Variants in SI observed in about 807,000 individuals in gnomAD.
SI encodes sucrase-isomaltase, intestinal.
A neutral mutation model predicts 253.3 loss-of-function variants in SI; 235 were observed. The ratio of observed to expected loss-of-function variants is 0.93; its 90% CI spans 0.83 to 1.03. SI has a LOEUF of 1.03. Among genes scored for constraint, SI ranks in the 50% least tolerant of loss-of-function variants. The pLI is 0.00. For synonymous variants in SI, 819 were observed against 712.0 expected (o/e 1.15, Z -2.39); for missense variants, 2,442 against 2,211.1 (o/e 1.10, Z -2.09).
chr3:165,032,770 C>T (rs767885926), intron 23 of SI, 78 bp from the exon 24 acceptor site: 289 of 938,436 alleles, frequency 3.1e-4, no homozygotes, highest in Admixed American at 9.4e-4. Flanking sequence ...TAAGAAATAG[C>T]AAAAAAAGGT....
intron 45 of SI, among the ~76,000 whole-genome samples, chr3:164,986,406 C>T (rs1171766941): frequency 6.6e-6 from 1 of 152,142 alleles, no homozygotes; most frequent in Admixed American, 6.5e-5. Context: ...AACCTCCTTC[C>T]AGAGGGGTCT....
chr3:165,069,114 C>G lies in SI; in HGVS notation c.337G>C (p.Gly113Arg), dbSNP rs766039029. The G allele has an allele frequency of 6.2e-7, 1 of 1,612,668 alleles. No homozygotes were observed. Residue 113 changes from glycine (G) to arginine (R), a missense_variant, in exon 4 of 48, where the codon GGT becomes CGT. Transcript: ENST00000264382. Reference protein sequence around the residue: ...IPWCFFVDNHGYNVQDMTTTS... With the variant: ...IPWCFFVDNHRYNVQDMTTTS... ...GTTGTCATGTCTTGAACGTTATAAC[C>G]ATGATTATCAACGAAGAAGCACCAA...
upstream of SI, among the ~76,000 whole-genome samples, chr3:165,083,218 C>T (rs1415911868): frequency 1.3e-5 from 2 of 151,882 alleles, no homozygotes; most frequent in Admixed American, 1.3e-4. Context: ...GGGTATGTGG[C>T]TGTCCAGACT....
intron 45 of SI, among the ~76,000 whole-genome samples, chr3:164,985,798 T>A (rs1717406718): frequency 6.6e-6 from 1 of 152,068 alleles, no homozygotes; most frequent in African/African-American, 2.4e-5. Flanking sequence ...ACATACAGAA[T>A]AAAAATCTCC....
intron 44 of SI, among the ~76,000 whole-genome samples, chr3:164,988,082 C>T (rs1009303460): frequency 6.6e-6 from 1 of 152,180 alleles, no homozygotes; most frequent in African/African-American, 2.4e-5. Context: ...TAAATACTTG[C>T]TTCCATGTTA....
At chr3:165,072,997 A>G (rs1374676086) in intron 3 of SI, among the ~76,000 whole-genome samples, 5 of 152,160 alleles carry the variant, frequency 3.3e-5, no homozygotes. Flanking sequence ...CTTCACAAAT[A>G]TAGTTTATTT....
At chr3:165,069,361 A>G (rs1328962824) in intron 3 of SI, among the ~76,000 whole-genome samples, 166 bp from the exon 4 acceptor site, 1 of 152,136 alleles carries the variant, frequency 6.6e-6, no homozygotes, top group Non-Finnish European at 1.5e-5. Flanking sequence ...AAGAAATACA[A>G]GTATTTAATA....
chr3:165,080,634 C>T (rs187633798), upstream of SI, among the ~76,000 whole-genome samples: 8 of 152,132 alleles, frequency 5.3e-5, no homozygotes, highest in Admixed American at 3.3e-4. Flanking sequence ...CCATCATTCT[C>T]AGCCAACTAT....
chr3:165,089,087 C>CTT, the SI span, among the ~76,000 whole-genome samples: 1 of 46,394 alleles, frequency 2.2e-5, no homozygotes, highest in Non-Finnish European at 4.6e-5. Flanking sequence ...TTTCTTTTTT[C>CTT]TTTTTTTTTT....
intron 36 of SI, 39 bp from the exon 37 acceptor site, chr3:165,006,993 A>C (rs1718544019): frequency 7.1e-7 from 1 of 1,409,472 alleles, no homozygotes; most frequent in Non-Finnish European, 9.9e-7. Flanking sequence ...TATATTATAC[A>C]GTGCCCTACA....
In SI at chr3:165,069,063, C is replaced by A; in HGVS notation, c.373+15G>T. ...AATATATCATATTGAATCATTATAACAGAGGACTTCTTACCAATACTTGTT... is the reference window on the plus strand; with the variant it reads ...AATATATCATATTGAATCATTATAAAAGAGGACTTCTTACCAATACTTGTT... On this transcript the variant is annotated intron_variant, in intron 4 of 47. Coordinates refer to ENST00000264382, the MANE Select transcript of SI (RefSeq NM_001041.4). The A allele has an allele frequency of 1.3e-6, 2 of 1,512,800 alleles. No individual in the cohort carries two copies. Among genetic ancestry groups the A allele is most frequent in the Non-Finnish European group, 1.8e-6 (2 of 1,087,834 alleles). 93.7% of individuals were successfully genotyped at this position (1,512,800 alleles called of 1,614,324 possible).
At position 165,060,001 on chromosome 3, in the gene SI, T is replaced by C. The variant is rs1316324887; in HGVS notation, c.1047A>G (p.Ala349=). The part of the protein sequence containing the change: ...QQLVGLPAMP[A]YWNLGFQLSR... ...TTAGTTGGAATCCAAGATTCCAATA[T>C]GCTGGCATTGCTGGTAGTCCAACAA... Residue 349 remains alanine (A), a synonymous_variant, in exon 10 of 48, where the codon GCA becomes GCG. Transcript: ENST00000264382. 3.1e-6 allele frequency: 5 copies of C among 1,611,730 alleles called. No homozygotes were observed. Among genetic ancestry groups the C allele is most frequent in the Non-Finnish European group, 4.2e-6 (5 of 1,178,494 alleles).
rs372471574 is a variant in SI, at chr3:165,035,939, TTG to T, written c.2515+448_2515+449del. Among the ~76,000 whole-genome samples, 521 of 151,850 alleles carry T rather than the reference TTG, an allele frequency of 3.4e-3. 1 individual carries two copies. The highest frequency in any genetic ancestry group is 0.012 in the African/African-American group (496 of 41,546). On this transcript the variant is annotated intron_variant, in intron 22 of 47. Transcript: ENST00000264382. ...AATTAAAGATAATAAGGAAAATAAA[TTG>T]TAAACAATTGATACGATGATATTCT...
At chr3:164,997,936 C>T (rs904298269) in intron 38 of SI, among the ~76,000 whole-genome samples, 1 of 151,524 alleles carries the variant, frequency 6.6e-6, no homozygotes, top group Non-Finnish European at 1.5e-5. Flanking sequence ...AGCGAACTGG[C>T]GAATTCCATG....
At chr3:164,985,325 A>G (rs1717385538) in intron 45 of SI, among the ~76,000 whole-genome samples, 1 of 152,128 alleles carries the variant, frequency 6.6e-6, no homozygotes, top group African/African-American at 2.4e-5. Flanking sequence ...TTGTAGGCAA[A>G]TTTCCTGCTG....
At chr3:164,994,764 G>T (rs978037212) in intron 40 of SI, among the ~76,000 whole-genome samples, 1 of 151,552 alleles carries the variant, frequency 6.6e-6, no homozygotes, top group Non-Finnish European at 1.5e-5. Flanking sequence ...ATCCAAAGTC[G>T]ATTGAAATAA....
rs1295601263 is a variant in SI at position 164,991,393 on chromosome 3, T to C, written c.5068A>G (p.Ile1690Val). 6.2e-7 allele frequency: 1 copy of C among 1,613,650 alleles called. No homozygotes were observed. Among genetic ancestry groups the C allele is most frequent in the Non-Finnish European group, 8.5e-7 (1 of 1,179,788 alleles). Residue 1690 changes from isoleucine to valine, a missense_variant, in exon 44 of 48, where the codon ATC becomes GTC. Physicochemically the swap from Ile to Val is conservative, Grantham distance 29. Coordinates refer to ENST00000264382, the MANE Select transcript of SI (RefSeq NM_001041.4). ...TINLHVRGGH[I>V]LPCQEPAQNT... ...TGAGCTGGCTCTTGACATGGTAGGA[T>C]GTGACCACCACGGACATGTAGGTTT... is the stretch of plus-strand genomic sequence containing the variant.
intron 16 of SI, among the ~76,000 whole-genome samples, chr3:165,043,603 C>A (rs1175831928): frequency 6.6e-6 from 1 of 151,822 alleles, no homozygotes; most frequent in African/African-American, 2.4e-5. Context: ...TCATGTTGAG[C>A]TTTGAAATTA....
At chr3:164,999,255 A>G (rs1718155301) in intron 37 of SI, among the ~76,000 whole-genome samples, 1 of 151,748 alleles carries the variant, frequency 6.6e-6, no homozygotes, top group Admixed American at 6.6e-5. Context: ...ATGAAATCAT[A>G]TGATTTATTT....
Sources: allele counts gnomAD v4.1 joint callset (sites outside exome capture counted in the v4.1 genomes callset), GRCh38; gene constraint gnomAD v4.1.1; transcripts MANE v1.5; gene names NCBI Gene and HGNC (gene_info 2026-07-23, HGNC 2026-07-21).